The following NXPH1 variants were observed in gnomAD, a reference collection of about 807,000 sequenced individuals.
NXPH1 encodes neurexophilin 1, also known as neurexophilin-1.
Under a neutral mutation model 23.7 loss-of-function variants are expected in NXPH1, and 5 were observed. The observed-to-expected ratio is 0.21, with a 90% CI of 0.11 to 0.44. The LOEUF is 0.44. Ranked by LOEUF, NXPH1 falls within the 20% of genes least tolerant of loss-of-function variation. The pLI, the probability that NXPH1 is intolerant of heterozygous loss-of-function variation, is 0.99. For missense variants in NXPH1, 324 were observed against 321.6 expected (o/e 1.01, Z -0.06); for synonymous variants, 144 against 122.2 (o/e 1.18, Z -1.18).
chr7:8,558,770 T>C (rs1227428488), intron 2 of NXPH1, among the ~76,000 whole-genome samples: 1 of 151,762 alleles, frequency 6.6e-6, no homozygotes, highest in Non-Finnish European at 1.5e-5. Context: ...AGGTATTTTC[T>C]AGTTAGAATC....
At chr7:8,584,397 C>G (rs1275925270) in intron 2 of NXPH1, among the ~76,000 whole-genome samples, 1 of 152,100 alleles carries the variant, frequency 6.6e-6, no homozygotes, top group African/African-American at 2.4e-5. Flanking sequence ...TCTTCCTCAA[C>G]AAGAAAATAA....
chr7:8,729,742 G>C (rs1780117327), intron 2 of NXPH1, among the ~76,000 whole-genome samples: 1 of 151,678 alleles, frequency 6.6e-6, no homozygotes, highest in South Asian at 2.1e-4. Context: ...CATTTGCTGA[G>C]GAGAGCTTTA....
chr7:8,480,537 G>A lies in NXPH1; in HGVS notation c.54+44770G>A, dbSNP rs190206817. Among the ~76,000 whole-genome samples, 246 of 152,268 alleles carry A rather than the reference G, an allele frequency of 1.6e-3. 1 individual carries two copies. The highest frequency in any genetic ancestry group is 5.6e-3 in the African/African-American group (233 of 41,576). On this transcript the variant is annotated intron_variant, in intron 2 of 2. Transcript: ENST00000405863. ...GAAAACAAGGTGACATAGGCTCGTT[G>A]TCACCAGTGAGAATTTCTAACACTT...
intron 2 of NXPH1, among the ~76,000 whole-genome samples, chr7:8,679,040 C>T (rs77869682): frequency 0.045 from 6,678 of 147,564 alleles, 391 homozygotes; most frequent in East Asian, 0.24. Flanking sequence ...CTCCGCCTCC[C>T]GGGTTCACGC....
chr7:8,470,355 A>G (rs1238089117), intron 2 of NXPH1, among the ~76,000 whole-genome samples: 1 of 152,200 alleles, frequency 6.6e-6, no homozygotes, highest in Non-Finnish European at 1.5e-5. Context: ...ATATGTGGTC[A>G]AGAGTAACAG....
chr7:8,701,633 A>G (rs1779624560), intron 2 of NXPH1, among the ~76,000 whole-genome samples: 1 of 152,120 alleles, frequency 6.6e-6, no homozygotes, highest in Admixed American at 6.6e-5. Flanking sequence ...TTCAGGTAAA[A>G]TTAAGTGTTC....
intron 2 of NXPH1, among the ~76,000 whole-genome samples, chr7:8,740,207 A>G (rs1780337813): frequency 1.3e-5 from 2 of 152,218 alleles, no homozygotes; most frequent in Non-Finnish European, 2.9e-5. Flanking sequence ...CTCAAACTGC[A>G]TGTAACGCTA....
chr7:8,590,697 C>T (rs1398367112), intron 2 of NXPH1, among the ~76,000 whole-genome samples: 1 of 151,812 alleles, frequency 6.6e-6, no homozygotes, highest in African/African-American at 2.4e-5. Flanking sequence ...TATTTTTTGC[C>T]CTCATCAATG....
chr7:8,610,062 A>G (rs769835882), intron 2 of NXPH1, among the ~76,000 whole-genome samples: 2 of 152,188 alleles, frequency 1.3e-5, no homozygotes, highest in African/African-American at 2.4e-5. Flanking sequence ...TGAAGAATTC[A>G]TAACATTTTA....
At chr7:8,458,932 TAAG>T (rs1339292818) in intron 2 of NXPH1, among the ~76,000 whole-genome samples, 1 of 152,140 alleles carries the variant, frequency 6.6e-6, no homozygotes, top group Non-Finnish European at 1.5e-5. Flanking sequence ...GGGGTGAGGT[TAAG>T]AAGGAGCAAA....
intron 2 of NXPH1, among the ~76,000 whole-genome samples, chr7:8,484,640 G>A (rs1270093472): frequency 6.6e-6 from 1 of 152,118 alleles, no homozygotes; most frequent in Non-Finnish European, 1.5e-5. Context: ...TTGAGTAAAT[G>A]TCATAAAATC....
At chr7:8,606,627 C>T (rs893022363) in intron 2 of NXPH1, among the ~76,000 whole-genome samples, 2 of 76,070 alleles carry the variant, frequency 2.6e-5, no homozygotes, top group African/African-American at 1.5e-4. Flanking sequence ...TTGTACTGGG[C>T]AAAGATACAG....
At chr7:8,639,469 A>C (rs1215954668) in intron 2 of NXPH1, among the ~76,000 whole-genome samples, 3 of 152,192 alleles carry the variant, frequency 2.0e-5, no homozygotes, top group Non-Finnish European at 4.4e-5. Context: ...AAAAGAAAAA[A>C]AAAAGGCTGT....
intron 2 of NXPH1, among the ~76,000 whole-genome samples, chr7:8,564,219 C>A (rs570733237): frequency 1.3e-5 from 2 of 151,744 alleles, no homozygotes. Context: ...GTCTGTTTGC[C>A]ATCCTAGCCT....
At chr7:8,629,590 C>T (rs775284058) in intron 2 of NXPH1, among the ~76,000 whole-genome samples, 3 of 152,052 alleles carry the variant, frequency 2.0e-5, no homozygotes, top group Non-Finnish European at 4.4e-5. Context: ...TATAAGTCAT[C>T]GAGATTACTA....
At chr7:8,745,108 C>A (rs1322545798) in intron 2 of NXPH1, among the ~76,000 whole-genome samples, 2 of 152,212 alleles carry the variant, frequency 1.3e-5, no homozygotes, top group African/African-American at 2.4e-5. Flanking sequence ...CCGTAGCCTG[C>A]CTTCTACAAG....
chr7:8,741,305 T>C (rs1780356029), intron 2 of NXPH1, among the ~76,000 whole-genome samples: 1 of 152,022 alleles, frequency 6.6e-6, no homozygotes, highest in African/African-American at 2.4e-5. Flanking sequence ...CATTCATCCC[T>C]TGATGGACAC....
At chr7:8,614,491 A>G (rs925637529) in intron 2 of NXPH1, among the ~76,000 whole-genome samples, 2 of 151,938 alleles carry the variant, frequency 1.3e-5, no homozygotes, top group South Asian at 2.1e-4. Flanking sequence ...GCATATGTCT[A>G]TAGATATGGA....
intron 2 of NXPH1, among the ~76,000 whole-genome samples, chr7:8,591,735 A>T (rs1819098229): frequency 6.6e-6 from 1 of 152,028 alleles, no homozygotes; most frequent in African/African-American, 2.4e-5. Context: ...TTAATGTGGT[A>T]GGTACACAAA....
Sources: gnomAD v4.1 joint callset for allele counts (sites outside exome capture counted in the v4.1 genomes callset) on GRCh38, gnomAD v4.1.1 for gene constraint, MANE v1.5 for transcripts, NCBI Gene and HGNC (gene_info 2026-07-23, HGNC 2026-07-21) for gene names.